NEK6: variants seen among roughly 807,000 people sequenced by gnomAD.
The protein encoded by NEK6 is serine/threonine-protein kinase Nek6.
A neutral mutation model predicts 43.5 loss-of-function variants in NEK6; 27 were observed. The observed-to-expected ratio is 0.62, with a 90% CI of 0.46 to 0.86. NEK6 has a LOEUF of 0.86. Ranked by LOEUF, NEK6 falls within the 40% of genes least tolerant of loss-of-function variation. The pLI, the probability that NEK6 is intolerant of heterozygous loss-of-function variation, is 0.00. For missense variants in NEK6, 318 were observed against 414.4 expected (o/e 0.77, Z 2.02); for synonymous variants, 167 against 164.1 (o/e 1.02, Z -0.14).
chr9:124,353,282 AG>A lies in NEK6; in HGVS notation c.*2338del. 1 of 362,340 alleles carries A rather than the reference AG, an allele frequency of 2.8e-6. No individual in the cohort carries two copies. The highest frequency in any genetic ancestry group is 5.8e-5 in the East Asian group (1 of 17,306). 22.4% of individuals were successfully genotyped at this position (362,340 alleles called of 1,614,324 possible). On this transcript the variant is annotated 3_prime_UTR_variant, in exon 10 of 10. Transcript: ENST00000320246. ...GTATCGATGGTCACCTGAAGCCTCAAGGGAGTCCACTCTGACTTCTGACAGC... is the reference window on the plus strand; with the variant it reads ...GTATCGATGGTCACCTGAAGCCTCAAGGAGTCCACTCTGACTTCTGACAGC...
At chr9:124,300,797 G>GCA (rs55884162) in intron 1 of NEK6, among the ~76,000 whole-genome samples, 1 of 151,736 alleles carries the variant, frequency 6.6e-6, no homozygotes, top group African/African-American at 2.4e-5. Flanking sequence ...GCCACCGCAG[G>GCA]GGAGGGGGCT....
intron 1 of NEK6, chr9:124,261,424 T>G: frequency 1.0e-6 from 1 of 985,468 alleles, no homozygotes; most frequent in South Asian, 4.7e-5. Flanking sequence ...AGGGACCTGG[T>G]GAATCATCCA....
At chr9:124,265,118 C>T (rs1042590413) in intron 1 of NEK6, among the ~76,000 whole-genome samples, 1 of 152,180 alleles carries the variant, frequency 6.6e-6, no homozygotes, top group African/African-American at 2.4e-5. Context: ...TGGGGTGACG[C>T]AGACGTTTTG....
intron 1 of NEK6, among the ~76,000 whole-genome samples, chr9:124,268,059 G>A (rs1371634047): frequency 3.3e-5 from 5 of 152,164 alleles, no homozygotes; most frequent in Non-Finnish European, 7.3e-5. Context: ...AATGGCTTAT[G>A]GGGTGGCATC....
intron 1 of NEK6, among the ~76,000 whole-genome samples, chr9:124,276,783 C>T (rs1029337165): frequency 2.0e-5 from 3 of 152,310 alleles, no homozygotes; most frequent in South Asian, 2.1e-4. Context: ...GGCCAGGTGG[C>T]GAAGGCCTGC....
At chr9:124,340,671 T>A (rs1167384706) in intron 8 of NEK6, among the ~76,000 whole-genome samples, 1 of 152,202 alleles carries the variant, frequency 6.6e-6, no homozygotes, top group Non-Finnish European at 1.5e-5. Flanking sequence ...TGAGCAGATG[T>A]GGGGTCTGGC....
intron 2 of NEK6, among the ~76,000 whole-genome samples, chr9:124,305,136 C>T (rs907530397): frequency 2.0e-5 from 3 of 152,222 alleles, no homozygotes; most frequent in Admixed American, 6.5e-5. Context: ...GAGAGAACTT[C>T]GCAGGGGATT....
At chr9:124,342,472 A>G (rs1279953961) in intron 8 of NEK6, among the ~76,000 whole-genome samples, 1 of 152,236 alleles carries the variant, frequency 6.6e-6, no homozygotes, top group Middle Eastern at 3.2e-3. Context: ...CATATGTAGA[A>G]TGAGTGGCCA....
At chr9:124,294,491 CAAA>C (rs11315005) in intron 1 of NEK6, among the ~76,000 whole-genome samples, 5 of 132,984 alleles carry the variant, frequency 3.8e-5, no homozygotes, top group Non-Finnish European at 4.8e-5. Flanking sequence ...GACTCCATCT[CAAA>C]AAAAAAAAAA....
At chr9:124,292,412 AG>A in intron 1 of NEK6, 8 of 1,533,168 alleles carry the variant, frequency 5.2e-6, no homozygotes, top group Non-Finnish European at 7.0e-6. Flanking sequence ...TTCTTTCTCT[AG>A]GGTGGGTTTT....
intron 7 of NEK6, among the ~76,000 whole-genome samples, chr9:124,335,218 TACG>T (rs966022140): frequency 9.2e-5 from 14 of 152,318 alleles, no homozygotes; most frequent in African/African-American, 3.4e-4. Context: ...CATGGTTGGC[TACG>T]ACAAGCCATC....
At chr9:124,310,358 G>GGCAGCAGAGTCCCTCCTTCACCT (rs1833468973) in intron 2 of NEK6, among the ~76,000 whole-genome samples, 2 of 152,252 alleles carry the variant, frequency 1.3e-5, no homozygotes, top group African/African-American at 4.8e-5. Flanking sequence ...GGTGCTCTGT[G>GGCAGCAGAGTCCCTCCTTCACCT]TACAGGTGTA....
intron 1 of NEK6, among the ~76,000 whole-genome samples, chr9:124,279,194 G>A (rs1817631471): frequency 6.6e-6 from 1 of 152,010 alleles, no homozygotes; most frequent in South Asian, 2.1e-4. Context: ...CTTTATGGGG[G>A]CAAACAGGGC....
rs114755388 is a variant in NEK6 at position 124,345,405 on chromosome 9, G to T, written c.718-2304G>T. ...CGGATGGAGGAGGCCTGTTCCTGGG[G>T]AAGGCCGAGAGGGGTCCTCTGGCAT... On this transcript the variant is annotated intron_variant, in intron 8 of 9. Transcript: ENST00000320246. 1.8e-3 allele frequency among the ~76,000 whole-genome samples: 271 copies of T among 152,360 alleles called. 1 individual carries two copies. Among genetic ancestry groups the T allele is most frequent in the African/African-American group, 6.4e-3 (265 of 41,586 alleles).
chr9:124,327,482 C>T (rs765552487), intron 7 of NEK6, 37 bp downstream of exon 7: 7 of 1,527,910 alleles, frequency 4.6e-6, no homozygotes, highest in South Asian at 1.1e-5. Context: ...CAGCCCCCAG[C>T]GGTCCTGGTG....
intron 1 of NEK6, among the ~76,000 whole-genome samples, chr9:124,301,390 G>A (rs1832968326): frequency 6.6e-6 from 1 of 152,216 alleles, no homozygotes; most frequent in African/African-American, 2.4e-5. Flanking sequence ...ACGGCAAACA[G>A]GACCTCTTGG....
chr9:124,300,240 C>A (rs10986307), intron 1 of NEK6: 56,056 of 152,016 alleles, frequency 0.37, 10,958 homozygotes, highest in South Asian at 0.57. Flanking sequence ...CTGGTCGGCC[C>A]ACCACTGTGG....
intron 1 of NEK6, among the ~76,000 whole-genome samples, chr9:124,270,991 G>C (rs922314481): frequency 6.6e-6 from 1 of 152,220 alleles, no homozygotes; most frequent in East Asian, 1.9e-4. Flanking sequence ...ACAGAGCAAG[G>C]GCCTTATGTT....
At chr9:124,322,568 C>T (rs980995750) in intron 5 of NEK6, among the ~76,000 whole-genome samples, 2 of 152,332 alleles carry the variant, frequency 1.3e-5, no homozygotes, top group African/African-American at 2.4e-5. Flanking sequence ...CCTGCCTGAC[C>T]CCCAGGCCCA....
Sources: allele counts gnomAD v4.1 joint callset (sites outside exome capture counted in the v4.1 genomes callset), GRCh38; gene constraint gnomAD v4.1.1; transcripts MANE v1.5; gene names NCBI Gene and HGNC (gene_info 2026-07-23, HGNC 2026-07-21).